Variants in DYSF observed in about 807,000 individuals in gnomAD.
DYSF encodes the protein dysferlin.
Under a neutral mutation model 274.9 loss-of-function variants are expected in DYSF, and 212 were observed. The ratio of observed to expected loss-of-function variants is 0.77; its 90% confidence interval spans 0.69 to 0.86. DYSF has a LOEUF of 0.86. Ranked by LOEUF, DYSF falls within the 40% of genes least tolerant of loss-of-function variation. The pLI is 0.00. For missense variants in DYSF, 2,666 were observed against 2,783.2 expected (o/e 0.96, Z 0.95); for synonymous variants, 1,091 against 1,078.7 (o/e 1.01, Z -0.22).
upstream of DYSF, among the ~76,000 whole-genome samples, chr2:71,463,117 A>G (rs1232408667): frequency 1.3e-5 from 2 of 152,190 alleles, no homozygotes; most frequent in African/African-American, 4.8e-5. Flanking sequence ...TAGGCTGTTC[A>G]TGCAGAGGGG....
At chr2:71,626,456 A>G (rs920291055) in intron 41 of DYSF, among the ~76,000 whole-genome samples, 6 of 150,112 alleles carry the variant, frequency 4.0e-5, no homozygotes, top group Admixed American at 2.0e-4. Flanking sequence ...ACATATGTTA[A>G]TTAATAACCC....
At chr2:71,656,586 A>G (rs2094776009) in intron 43 of DYSF, among the ~76,000 whole-genome samples, 1 of 152,192 alleles carries the variant, frequency 6.6e-6, no homozygotes, top group African/African-American at 2.4e-5. Flanking sequence ...CATGCTGCTG[A>G]TAAAGACACA....
intron 16 of DYSF, 132 bp downstream of exon 16, chr2:71,535,443 G>A (rs1338480596): frequency 2.1e-6 from 2 of 969,976 alleles, no homozygotes; most frequent in African/African-American, 3.2e-5. Context: ...TGTCCCCTTG[G>A]GGTAGCCAGG....
chr2:71,528,413 G>C lies in DYSF; in HGVS notation c.1380+12G>C. ...TTGCGGGGAAAATGGTAAGGAGCAA[G>C]GGAGCAGGAGGGTTCTCTCGGGAGG... On this transcript the variant is annotated intron_variant, in intron 14 of 55. Coordinates refer to ENST00000410020, the MANE Select transcript of DYSF (RefSeq NM_001130987.2). 4 of 1,608,872 alleles carry C rather than the reference G, an allele frequency of 2.5e-6. No homozygotes were observed. Among genetic ancestry groups the C allele is most frequent in the East Asian group, 2.2e-5 (1 of 44,840 alleles).
At chr2:71,665,795 T>C (rs1032353604) in intron 47 of DYSF, among the ~76,000 whole-genome samples, 5 of 152,172 alleles carry the variant, frequency 3.3e-5, no homozygotes, top group African/African-American at 9.7e-5. Context: ...CAGGCAGGCC[T>C]TGTAGTGCCC....
In DYSF at chr2:71,571,979, G is replaced by A. The variant is rs371126034; in HGVS notation, c.3228+1238G>A. Among the ~76,000 whole-genome samples, 3 of 131,406 alleles carry A rather than the reference G, an allele frequency of 2.3e-5. No individual in the cohort carries two copies. The South Asian group carries it at 7.6e-4, about 33-fold the overall frequency. The allele number at this position is 131,406 out of a possible 152,430, so 86.2% of individuals were successfully genotyped here. A position where few individuals can be genotyped will look rare whatever the true frequency, so the allele number is the denominator to read the frequency against. ...ACACCCACAGATCACACCGAGCATG[G>A]ATCACATCCAGCACACCCAGCACAG... On this transcript the variant is annotated intron_variant, in intron 29 of 55. Coordinates refer to ENST00000410020, the MANE Select transcript of DYSF (RefSeq NM_001130987.2).
rs768787171 is a variant in DYSF, at chr2:71,570,615, C to G, written c.3102C>G (p.Ile1034Met). The stretch of plus-strand genomic sequence containing the variant: ...CTCCCCCAGGCTGGGAGTATAGCAT[C>G]ACCATCCCCCCGGAGCGGAAGCCGA... ...AVDEQGWEYS[I>M]TIPPERKPKH... is the part of the protein sequence containing the mutation. Residue 1034 changes from isoleucine (I) to methionine (M), a missense_variant, in exon 29 of 56, where the codon ATC (isoleucine) becomes ATG (methionine). Transcript: ENST00000410020. 8 of 1,613,856 alleles carry G rather than the reference C, an allele frequency of 5.0e-6. No individual in the cohort carries two copies. In the African/African-American group the frequency reaches 9.3e-5, roughly 19 times the overall value.
chr2:71,596,415 C>G (rs1168010724), intron 32 of DYSF, among the ~76,000 whole-genome samples: 2 of 152,196 alleles, frequency 1.3e-5, no homozygotes, highest in Non-Finnish European at 2.9e-5. Context: ...GGGGCGGGAA[C>G]AAAAGGGGCT....
chr2:71,534,602 C>T (rs2089109348), intron 14 of DYSF, among the ~76,000 whole-genome samples: 1 of 152,196 alleles, frequency 6.6e-6, no homozygotes, highest in Non-Finnish European at 1.5e-5. Flanking sequence ...AGTCTTCCTA[C>T]ATGGTGGATG....
chr2:71,517,706 G>A lies in DYSF; in HGVS notation c.1002+667G>A, dbSNP rs375104180. On this transcript the variant is annotated intron_variant, in intron 10 of 55. Transcript: ENST00000410020. ...ACAGAAGCTGGGACACAGGGGAGCC[G>A]TCTCCCTTGGTGTTTATATTTCAGA... 1.1e-4 allele frequency among the ~76,000 whole-genome samples: 16 copies of A among 151,938 alleles called. 1 individual carries two copies. Among genetic ancestry groups the A allele is most frequent in the African/African-American group, 2.2e-4 (9 of 41,342 alleles).
chr2:71,557,997 A>G (rs1573974228), intron 22 of DYSF, among the ~76,000 whole-genome samples: 1 of 151,264 alleles, frequency 6.6e-6, no homozygotes, highest in Admixed American at 6.6e-5. Context: ...GTGCCCCTAC[A>G]CTCCAGACTG....
upstream of DYSF, among the ~76,000 whole-genome samples, chr2:71,463,794 C>G (rs952145236): frequency 1.6e-4 from 24 of 152,196 alleles, no homozygotes; most frequent in Non-Finnish European, 2.9e-5. Context: ...GGACACATAC[C>G]TCTAGCTAGA....
chr2:71,645,472 G>C (rs188020407), intron 42 of DYSF, among the ~76,000 whole-genome samples: 2 of 151,708 alleles, frequency 1.3e-5, no homozygotes, highest in East Asian at 3.9e-4. Context: ...ACATCCCGCC[G>C]CTTGTGTGTT....
intron 44 of DYSF, 97 bp downstream of exon 44, chr2:71,659,130 A>C (rs1033001710): frequency 6.5e-7 from 1 of 1,531,562 alleles, no homozygotes; most frequent in African/African-American, 1.4e-5. Context: ...GGGAGTTCAT[A>C]GTAGGTTGGG....
chr2:71,586,046 G>T (rs957280961), intron 30 of DYSF, among the ~76,000 whole-genome samples: 3 of 152,058 alleles, frequency 2.0e-5, no homozygotes, highest in African/African-American at 7.2e-5. Flanking sequence ...TGTGGGTTTG[G>T]TAGTGTCCTG....
intron 4 of DYSF, among the ~76,000 whole-genome samples, chr2:71,506,656 G>C (rs2085506575): frequency 6.6e-6 from 1 of 152,162 alleles, no homozygotes; most frequent in African/African-American, 2.4e-5. Context: ...TCTAGAGAAG[G>C]AGACAGGGGT....
chr2:71,651,061 A>G (rs1446520236), intron 42 of DYSF, among the ~76,000 whole-genome samples: 2 of 152,208 alleles, frequency 1.3e-5, no homozygotes, highest in Non-Finnish European at 2.9e-5. Context: ...AGCAGAGGCA[A>G]TTTCATATGA....
chr2:71,551,220 G>A (rs1473045776), intron 18 of DYSF, 64 bp downstream of exon 18: 30 of 1,549,978 alleles, frequency 1.9e-5, no homozygotes, highest in Middle Eastern at 1.7e-4. Context: ...AGGAGCCCAG[G>A]CCTGCATGCA....
chr2:71,542,648 T>C (rs912674632), intron 17 of DYSF, among the ~76,000 whole-genome samples: 5 of 152,308 alleles, frequency 3.3e-5, no homozygotes, highest in African/African-American at 1.2e-4. Flanking sequence ...CATTTAACCC[T>C]GAGTGGACAC....
Sources: gnomAD v4.1 joint callset for allele counts (sites outside exome capture counted in the v4.1 genomes callset) on GRCh38, gnomAD v4.1.1 for gene constraint, MANE v1.5 for transcripts, NCBI Gene and HGNC (gene_info 2026-07-23, HGNC 2026-07-21) for gene names.